The following DLGAP1 variants were observed in gnomAD, a reference collection of about 807,000 sequenced individuals.
DLGAP1 encodes the protein disks large-associated protein 1.
In DLGAP1, 11 loss-of-function variants were observed where a neutral mutation model predicts 90.8. The observed-to-expected ratio is 0.12, with a 90% CI of 0.08 to 0.20. The LOEUF is 0.20. DLGAP1 is among the 10% of genes least tolerant of loss of function. The pLI, the probability that DLGAP1 is intolerant of heterozygous loss-of-function variation, is 1.00. For missense variants in DLGAP1, 1,050 were observed against 1,333.8 expected, an observed-to-expected ratio of 0.79 and a Z score of 3.31; for synonymous variants, 558 against 540.7, an observed-to-expected ratio of 1.03 and a Z score of -0.44.
chr18:4,315,733 C>T (rs2080509660), intron 1 of DLGAP1, among the ~76,000 whole-genome samples: 1 of 152,174 alleles, frequency 6.6e-6, no homozygotes. Flanking sequence ...TAAAATTACA[C>T]AAACTTTTGA....
intron 1 of DLGAP1, among the ~76,000 whole-genome samples, chr18:4,325,114 C>T (rs1162572612): frequency 6.6e-6 from 1 of 152,094 alleles, no homozygotes; most frequent in Non-Finnish European, 1.5e-5. Context: ...TAGAAAAACC[C>T]ATAGTCTTGG....
At chr18:4,355,347 C>T (rs915991848) in intron 1 of DLGAP1, among the ~76,000 whole-genome samples, 3 of 152,142 alleles carry the variant, frequency 2.0e-5, no homozygotes, top group Non-Finnish European at 4.4e-5. Flanking sequence ...TAAAAGTCAG[C>T]CCTTCAAAGG....
chr18:3,862,737 A>G (rs1227279200), intron 4 of DLGAP1, among the ~76,000 whole-genome samples: 1 of 152,240 alleles, frequency 6.6e-6, no homozygotes, highest in Admixed American at 6.5e-5. Flanking sequence ...AAAGCTAGGT[A>G]TGTTACATAA....
At chr18:3,693,621 T>C (rs896957858) in intron 7 of DLGAP1, among the ~76,000 whole-genome samples, 36 of 152,288 alleles carry the variant, frequency 2.4e-4, no homozygotes, top group Admixed American at 2.2e-3. Context: ...CCAGGGGTAA[T>C]TGACTCAGTG....
At chr18:4,172,640 G>A (rs2077043171) in intron 1 of DLGAP1, among the ~76,000 whole-genome samples, 1 of 152,150 alleles carries the variant, frequency 6.6e-6, no homozygotes, top group Admixed American at 6.5e-5. Flanking sequence ...GTGAACATAA[G>A]GGTGCTGAAA....
At chr18:3,784,370 T>C (rs2065347621) in intron 5 of DLGAP1, among the ~76,000 whole-genome samples, 1 of 152,212 alleles carries the variant, frequency 6.6e-6, no homozygotes, top group Non-Finnish European at 1.5e-5. Context: ...ACCTCTATCC[T>C]AGCCTTCTTT....
chr18:4,063,687 C>T (rs1300175151), intron 2 of DLGAP1, among the ~76,000 whole-genome samples: 2 of 152,138 alleles, frequency 1.3e-5, no homozygotes, highest in African/African-American at 4.8e-5. Flanking sequence ...ACTAAGGGAG[C>T]CTTCATCTAC....
chr18:3,549,567 G>A (rs770877738), intron 9 of DLGAP1, among the ~76,000 whole-genome samples: 3 of 152,080 alleles, frequency 2.0e-5, no homozygotes, highest in Non-Finnish European at 4.4e-5. Context: ...TCCTGACCTC[G>A]TGATCCACCC....
At chr18:4,170,706 TTAATC>T (rs763255948) in intron 1 of DLGAP1, among the ~76,000 whole-genome samples, 107 of 152,332 alleles carry the variant, frequency 7.0e-4, no homozygotes, top group African/African-American at 2.2e-3. Flanking sequence ...TATTAATAGC[TTAATC>T]TAATCTAATC....
chr18:4,030,924 A>G (rs989131374), intron 2 of DLGAP1, among the ~76,000 whole-genome samples: 1 of 152,150 alleles, frequency 6.6e-6, no homozygotes, highest in African/African-American at 2.4e-5. Flanking sequence ...CACAGTCTCA[A>G]AACAAAAACA....
intron 10 of DLGAP1, among the ~76,000 whole-genome samples, chr18:3,515,588 A>C (rs1460755282): frequency 1.3e-5 from 2 of 151,896 alleles, no homozygotes; most frequent in Non-Finnish European, 2.9e-5. Flanking sequence ...AGACCAGCCT[A>C]GGCAACATGG....
In DLGAP1 at chr18:3,711,469, C is replaced by T. The variant is rs1422684880; in HGVS notation, c.1591+17666G>A. On this transcript the variant is annotated intron_variant, in intron 7 of 12. Coordinates refer to ENST00000315677, the MANE Select transcript of DLGAP1 (RefSeq NM_004746.4). The surrounding 1 kb of genome is among the most constrained non-coding windows in gnomAD (Gnocchi z 4.0). The stretch of plus-strand genomic sequence containing the variant: ...AAAAATACCCACCTAGGTGAGACAA[C>T]TTCAACTTCAATCACCTAAAAGTGG... Among the ~76,000 whole-genome samples the T allele has an allele frequency of 1.3e-5, 2 of 152,228 alleles. No individual in the cohort carries two copies. Among genetic ancestry groups the T allele is most frequent in the African/African-American group, 2.4e-5 (1 of 41,472 alleles).
At chr18:3,564,244 G>A (rs995516143) in intron 9 of DLGAP1, among the ~76,000 whole-genome samples, 8 of 152,188 alleles carry the variant, frequency 5.3e-5, no homozygotes, top group African/African-American at 1.9e-4. Flanking sequence ...TCTATGATTA[G>A]TCTCAGCCTT....
chr18:4,008,940 G>A (rs1440424811), intron 2 of DLGAP1, among the ~76,000 whole-genome samples: 1 of 151,830 alleles, frequency 6.6e-6, no homozygotes, highest in Non-Finnish European at 1.5e-5. Flanking sequence ...GTCTCGCTCC[G>A]TCGCCCAGGC....
At chr18:4,204,552 C>T (rs78644545) in intron 1 of DLGAP1, among the ~76,000 whole-genome samples, 6,014 of 151,470 alleles carry the variant, frequency 0.04, 141 homozygotes, top group Middle Eastern at 0.051. Flanking sequence ...CAGTGCATCA[C>T]ATTAAAAACA....
intron 7 of DLGAP1, among the ~76,000 whole-genome samples, chr18:3,664,622 C>T (rs540770041): frequency 2.0e-5 from 3 of 152,172 alleles, no homozygotes; most frequent in Non-Finnish European, 4.4e-5. Flanking sequence ...TAGATTAGTC[C>T]CTTTGTTACA....
At chr18:3,885,950 CA>C (rs2071301821) in intron 3 of DLGAP1, among the ~76,000 whole-genome samples, 1 of 152,190 alleles carries the variant, frequency 6.6e-6, no homozygotes, top group Admixed American at 6.5e-5. Flanking sequence ...AAGGAAAACA[CA>C]AACACACCAC....
chr18:4,323,935 TA>T (rs1204894926), intron 1 of DLGAP1, among the ~76,000 whole-genome samples: 1 of 152,038 alleles, frequency 6.6e-6, no homozygotes, highest in African/African-American at 2.4e-5. Flanking sequence ...GATTTGAAAC[TA>T]ACCACCTAAC....
chr18:3,679,958 T>C (rs1219029562), intron 7 of DLGAP1: 1 of 151,982 alleles, frequency 6.6e-6, no homozygotes, highest in Admixed American at 6.6e-5. Flanking sequence ...AGTGTTGGGA[T>C]TACAGACGTG....
Sources: gnomAD v4.1 joint callset for allele counts (sites outside exome capture counted in the v4.1 genomes callset) on GRCh38, gnomAD v4.1.1 for gene constraint, Gnocchi (gnomAD v3.1) non-coding constraint, MANE v1.5 for transcripts, NCBI Gene and HGNC (gene_info 2026-07-23, HGNC 2026-07-21) for gene names.